DST: variants seen among roughly 807,000 people sequenced by gnomAD.
DST encodes the protein dystonin.
In DST, 253 loss-of-function variants were observed where a neutral mutation model predicts 875.2. That is an observed-to-expected ratio of 0.29 (90% CI 0.26 to 0.32). The LOEUF is 0.32. DST is among the 10% of genes least tolerant of loss of function. The pLI is 1.00. For missense variants in DST, 8,287 were observed against 9,111.6 expected (o/e 0.91, Z 3.68); for synonymous variants, 3,124 against 3,197.1 (o/e 0.98, Z 0.77).
At chr6:56,887,876 C>T (rs995483961) in intron 3 of DST, among the ~76,000 whole-genome samples, 2 of 152,018 alleles carry the variant, frequency 1.3e-5, no homozygotes, top group African/African-American at 2.4e-5. Context: ...CTACCTTGCA[C>T]ATTCTTGTGC....
chr6:56,895,933 G>A (rs1790956098), intron 3 of DST, among the ~76,000 whole-genome samples: 1 of 47,064 alleles, frequency 2.1e-5, no homozygotes. Flanking sequence ...AGGAGAATCA[G>A]GCAGGGAGGT....
chr6:56,941,395 C>G (rs1343002522), intron 2 of DST, among the ~76,000 whole-genome samples: 1 of 151,990 alleles, frequency 6.6e-6, no homozygotes, highest in African/African-American at 2.4e-5. Context: ...TTATTTCAAT[C>G]CTTTAAATTA....
chr6:56,583,759 GA>G (rs2098080232), intron 49 of DST, among the ~76,000 whole-genome samples: 3 of 152,128 alleles, frequency 2.0e-5, no homozygotes. Flanking sequence ...AATCCATCTT[GA>G]ATTAATTTTT....
In DST at chr6:56,598,674, T is replaced by C; in HGVS notation, c.11730A>G (p.Ala3910=). ...CTGTGTTTTTCACTACTTCAGCCAATGCCTGTGCACTTCCTTGCATATCTT... is the reference window on the plus strand; with the variant it reads ...CTGTGTTTTTCACTACTTCAGCCAACGCCTGTGCACTTCCTTGCATATCTT... ...LQKDMQGSAQ[A]LAEVVKNTEN... is the part of the protein sequence containing the mutation. Residue 3910 remains alanine, a synonymous_variant, in exon 46 of 104, where the codon GCA becomes GCG. Transcript: ENST00000680361. 6.2e-7 allele frequency: 1 copy of C among 1,609,022 alleles called. No individual in the cohort carries two copies. The highest frequency in any genetic ancestry group is 8.5e-7 in the Non-Finnish European group (1 of 1,177,814).
At chr6:56,693,202 G>A (rs2099243923) in intron 9 of DST, 2 of 1,228,250 alleles carry the variant, frequency 1.6e-6, no homozygotes, top group Non-Finnish European at 1.0e-6. Flanking sequence ...AAAATCCAGA[G>A]CTTACTTAGA....
intron 55 of DST, among the ~76,000 whole-genome samples, chr6:56,566,750 A>C (rs372187563): frequency 1.3e-5 from 2 of 152,338 alleles, no homozygotes; most frequent in South Asian, 2.1e-4. Context: ...CAATGCATAC[A>C]TGACTGACAA....
chr6:56,908,104 C>T (rs889134496), intron 2 of DST, among the ~76,000 whole-genome samples: 2 of 148,610 alleles, frequency 1.3e-5, no homozygotes, highest in Non-Finnish European at 2.9e-5. Flanking sequence ...TATATACACA[C>T]ACACACACAC....
At chr6:56,643,541 A>G (rs2098925142) in intron 15 of DST, among the ~76,000 whole-genome samples, 1 of 152,226 alleles carries the variant, frequency 6.6e-6, no homozygotes, top group Non-Finnish European at 1.5e-5. Flanking sequence ...ATTACATGGC[A>G]TAAGAACACT....
chr6:56,587,409 T>C (rs1424607031), intron 49 of DST, among the ~76,000 whole-genome samples: 1 of 152,144 alleles, frequency 6.6e-6, no homozygotes, highest in Non-Finnish European at 1.5e-5. Flanking sequence ...TATGGGACTA[T>C]GTGAAAAGAC....
chr6:56,632,577 T>C (rs1300553156), intron 28 of DST, among the ~76,000 whole-genome samples: 2 of 152,250 alleles, frequency 1.3e-5, no homozygotes, highest in Non-Finnish European at 2.9e-5. Flanking sequence ...TTTCTGAAAC[T>C]GAAGGATTGC....
intron 77 of DST, 76 bp downstream of exon 77, chr6:56,506,367 G>A (rs2096312538): frequency 8.5e-7 from 1 of 1,172,572 alleles, no homozygotes; most frequent in Non-Finnish European, 1.2e-6. Flanking sequence ...TCTTGAGGTG[G>A]TGCCAATATG....
chr6:56,554,899 A>G (rs953301680), intron 60 of DST, among the ~76,000 whole-genome samples: 4 of 152,200 alleles, frequency 2.6e-5, no homozygotes, highest in African/African-American at 7.2e-5. Context: ...AGCCACAGTG[A>G]GAGAGGAAAA....
At position 56,598,578 on chromosome 6, in the gene DST, A is replaced by G; in HGVS notation, c.11826T>C (p.Asn3942=). 4 of 1,612,518 alleles carry G rather than the reference A, an allele frequency of 2.5e-6. No individual in the cohort carries two copies. The highest frequency in any genetic ancestry group is 3.4e-6 in the Non-Finnish European group (4 of 1,179,066). ...EDKALIEQKL[N]EAKIKCEQLN... ...GCTGTTCACACTTTATCTTAGCTTC[A>G]TTAAGTTTCTGTTCAATCAAAGCCT... The change falls in exon 46 of 104, where the codon AAT becomes AAC. Residue 3942 remains asparagine (N), a synonymous_variant. Transcript: ENST00000680361.
intron 4 of DST, among the ~76,000 whole-genome samples, chr6:56,844,575 T>C (rs919234700): frequency 2.0e-5 from 3 of 152,082 alleles, no homozygotes; most frequent in Non-Finnish European, 4.4e-5. Context: ...TAAATGGATG[T>C]GTTTAAGAGT....
At chr6:56,849,134 A>ATT (rs755617631) in intron 4 of DST, among the ~76,000 whole-genome samples, 15,314 of 114,864 alleles carry the variant, frequency 0.13, 1,676 homozygotes, top group Non-Finnish European at 0.16. Flanking sequence ...AATTCATGCA[A>ATT]TTTTTTTTTT....
At chr6:56,853,127 C>A (rs1339191507) in intron 3 of DST, among the ~76,000 whole-genome samples, 1 of 152,128 alleles carries the variant, frequency 6.6e-6, no homozygotes, top group Non-Finnish European at 1.5e-5. Flanking sequence ...TAAGACGTAG[C>A]TCTCTATTCT....
At chr6:56,482,265 C>T in intron 89 of DST, 87 bp from the exon 90 acceptor site, 2 of 1,413,284 alleles carry the variant, frequency 1.4e-6, no homozygotes, top group South Asian at 1.9e-5. Flanking sequence ...GTGGATTCAT[C>T]CCTTCAATGA....
intron 10 of DST, among the ~76,000 whole-genome samples, chr6:56,667,684 C>G (rs1286942991): frequency 1.3e-5 from 2 of 152,034 alleles, no homozygotes; most frequent in Non-Finnish European, 2.9e-5. Flanking sequence ...AAGTTCAAAA[C>G]AAATAATTCA....
In DST at chr6:56,515,514, ATGAT is replaced by A. The variant is rs1266851551; in HGVS notation, c.18508_18511del (p.Ile6170SerfsTer14). 1 of 1,613,898 alleles carries A rather than the reference ATGAT, an allele frequency of 6.2e-7. No homozygotes were observed. The highest frequency in any genetic ancestry group is 8.5e-7 in the Non-Finnish European group (1 of 1,179,832). ...AAGGGCTGGGGCGGGAAGCTGAGAGATGATTGATTGTGTTTCTGTCAGCCATGGC... is the reference window on the plus strand; with the variant it reads ...AAGGGCTGGGGCGGGAAGCTGAGAGATGATTGTGTTTCTGTCAGCCATGGC... On this transcript the variant is annotated frameshift_variant, in exon 72 of 104. Coordinates refer to ENST00000680361, the MANE Select transcript of DST (RefSeq NM_001374736.1). LOFTEE classifies it high-confidence loss of function.
Sources: gnomAD v4.1 joint callset for allele counts (sites outside exome capture counted in the v4.1 genomes callset) on GRCh38, gnomAD v4.1.1 for gene constraint, MANE v1.5 for transcripts, NCBI Gene and HGNC (gene_info 2026-07-23, HGNC 2026-07-21) for gene names.